The following ANKRD18B variants were observed in gnomAD, a reference collection of about 807,000 sequenced individuals.
ANKRD18B encodes the protein ankyrin repeat domain-containing protein 18B.
Under a neutral mutation model 111.8 loss-of-function variants are expected in ANKRD18B, and 75 were observed. The observed-to-expected ratio is 0.67, with a 90% CI of 0.56 to 0.81. The LOEUF (loss-of-function observed/expected upper bound fraction) is 0.81. Among genes scored for constraint, ANKRD18B ranks in the 40% least tolerant of loss-of-function variants. The pLI, the probability that ANKRD18B is intolerant of heterozygous loss-of-function variation, is 0.00. For synonymous variants in ANKRD18B, 356 were observed against 417.3 expected (o/e 0.85, Z 1.79); for missense variants, 1,038 against 1,225.5 (o/e 0.85, Z 2.28).
At chr9:33,573,960 C>T (rs1828821782), downstream of ANKRD18B, among the ~76,000 whole-genome samples, 2 of 143,860 alleles carry the variant, frequency 1.4e-5, no homozygotes, top group Non-Finnish European at 1.6e-5. Context: ...TCGGTTGGAA[C>T]ATAAACAATA....
intron 10 of ANKRD18B, among the ~76,000 whole-genome samples, chr9:33,545,698 A>G (rs1828344989): frequency 6.6e-6 from 1 of 152,232 alleles, no homozygotes; most frequent in Non-Finnish European, 1.5e-5. Flanking sequence ...ATCTAGAGGA[A>G]GACTTACAGC....
At chr9:33,547,730 T>C (rs1340842740) in intron 10 of ANKRD18B, among the ~76,000 whole-genome samples, 1 of 149,532 alleles carries the variant, frequency 6.7e-6, no homozygotes, top group Non-Finnish European at 1.5e-5. Context: ...GTGTGTTTTA[T>C]GGATTCATTG....
chr9:33,561,324 T>A (rs1378619863), intron 14 of ANKRD18B, among the ~76,000 whole-genome samples: 1 of 152,258 alleles, frequency 6.6e-6, no homozygotes, highest in East Asian at 1.9e-4. Flanking sequence ...TTATTATCCA[T>A]CTTTATATCT....
intron 17 of ANKRD18B, among the ~76,000 whole-genome samples, chr9:33,570,130 C>A (rs1411919531): frequency 6.6e-6 from 1 of 152,174 alleles, no homozygotes; most frequent in African/African-American, 2.4e-5. Context: ...ATGAAAAGAA[C>A]AAAATCATGT....
At chr9:33,549,757 A>G (rs1828419650) in intron 11 of ANKRD18B, among the ~76,000 whole-genome samples, 1 of 152,192 alleles carries the variant, frequency 6.6e-6, no homozygotes, top group South Asian at 2.1e-4. Context: ...TAAAATCACA[A>G]TTTGGAATAA....
Position 33,568,716 on chromosome 9 carries a change from G to A in ANKRD18B, c.3000G>A (p.Glu1000=), listed in dbSNP as rs1828723042. 1.3e-6 allele frequency: 2 copies of A among 1,551,168 alleles called. No homozygotes were observed. Among genetic ancestry groups the A allele is most frequent in the Non-Finnish European group, 8.7e-7 (1 of 1,146,686 alleles). ...IAVISTKLFM[E]KERMEYFLST... is the part of the protein sequence containing the mutation. ...TGATCAGCACCAAGCTCTTTATGGA[G>A]AAAGAGCGGATGGAATATTTTCTCA... is the stretch of plus-strand genomic sequence containing the variant. The change falls in exon 17 of 19, where the codon GAG becomes GAA. Residue 1000 remains glutamate, a synonymous_variant. Transcript: ENST00000684830.
intron 12 of ANKRD18B, among the ~76,000 whole-genome samples, chr9:33,552,809 T>C (rs571661210): frequency 6.6e-5 from 10 of 151,568 alleles, no homozygotes; most frequent in Non-Finnish European, 1.5e-4. Flanking sequence ...GTACATGTAC[T>C]CTTCTAAGTG....
chr9:33,544,203 C>T (rs967740789), intron 10 of ANKRD18B, among the ~76,000 whole-genome samples: 7 of 152,158 alleles, frequency 4.6e-5, no homozygotes, highest in Admixed American at 3.9e-4. Context: ...TTACTCCAAA[C>T]AAACAGTGAG....
chr9:33,564,286 CAT>C (rs1293351072), intron 14 of ANKRD18B, among the ~76,000 whole-genome samples: 4 of 152,222 alleles, frequency 2.6e-5, no homozygotes, highest in Non-Finnish European at 4.4e-5. Flanking sequence ...AGCTCCCACA[CAT>C]GAGTGAGAAT....
At chr9:33,534,615 T>C (rs1828168811) in intron 5 of ANKRD18B, 108 bp downstream of exon 5, 1 of 1,374,436 alleles carries the variant, frequency 7.3e-7, no homozygotes, top group South Asian at 1.8e-5. Flanking sequence ...GTTGAGGTAG[T>C]TTGGAATGGC....
intron 6 of ANKRD18B, among the ~76,000 whole-genome samples, chr9:33,538,548 C>T (rs1828233523): frequency 6.6e-6 from 1 of 152,110 alleles, no homozygotes; most frequent in South Asian, 2.1e-4. Flanking sequence ...CCAGCCTGAC[C>T]AACATGGTGA....
Position 33,548,704 on chromosome 9 carries a change from A to G in ANKRD18B, c.1916A>G (p.Asp639Gly), listed in dbSNP as rs1035972387. 1.9e-6 allele frequency: 3 copies of G among 1,551,070 alleles called. No homozygotes were observed. The highest frequency in any genetic ancestry group is 2.6e-6 in the Non-Finnish European group (3 of 1,146,646). ...CTAGAGGATGCTCGTAAGGAAGGTG[A>G]TAATAAAGAGATAGTCATTAATATC... ...RQLEDARKEGDNKEIVINIHR... is the reference protein window; with the variant it reads ...RQLEDARKEGGNKEIVINIHR... The change falls in exon 11 of 19, where the codon GAT (aspartate) becomes GGT (glycine). Residue 639 changes from aspartate to glycine, a missense_variant. By Grantham distance (94) the Asp-to-Gly change is moderately conservative (BLOSUM62 -1). Coordinates refer to ENST00000684830, the MANE Select transcript of ANKRD18B (RefSeq NM_001393611.1).
intron 1 of ANKRD18B, among the ~76,000 whole-genome samples, chr9:33,525,143 C>T (rs1399815803): frequency 6.6e-6 from 1 of 152,168 alleles, no homozygotes; most frequent in Admixed American, 6.5e-5. Flanking sequence ...AATGTGAGCT[C>T]TTAATATGTT....
chr9:33,533,335 G>C (rs633005), intron 3 of ANKRD18B, 104 bp from the exon 4 acceptor site: 10 of 1,494,262 alleles, frequency 6.7e-6, no homozygotes, highest in South Asian at 5.4e-5. Context: ...TTTACTTTCT[G>C]TCTATATTGC....
At chr9:33,570,533 T>A (rs186045193) in intron 17 of ANKRD18B, among the ~76,000 whole-genome samples, 1 of 152,030 alleles carries the variant, frequency 6.6e-6, no homozygotes, top group Non-Finnish European at 1.5e-5. Flanking sequence ...AAGAAAAAAT[T>A]TATTGAAGTA....
intron 16 of ANKRD18B, 150 bp downstream of exon 16, chr9:33,567,464 C>T: frequency 1.5e-6 from 1 of 680,702 alleles, no homozygotes; most frequent in Non-Finnish European, 2.4e-6. Flanking sequence ...AGTAAATAAT[C>T]CCTCCTTTAA....
chr9:33,529,826 A>G (rs1162125484), intron 3 of ANKRD18B, among the ~76,000 whole-genome samples: 1 of 152,162 alleles, frequency 6.6e-6, no homozygotes, highest in African/African-American at 2.4e-5. Flanking sequence ...TCTGAGGAAA[A>G]CAGATTGGCA....
At chr9:33,534,207 A>G (rs1828160199) in intron 4 of ANKRD18B, among the ~76,000 whole-genome samples, 163 bp from the exon 5 acceptor site, 1 of 152,200 alleles carries the variant, frequency 6.6e-6, no homozygotes, top group Admixed American at 6.5e-5. Context: ...AACAAGATGA[A>G]CACTTGAGCA....
chr9:33,542,889 A>T (rs1031954143), intron 9 of ANKRD18B, among the ~76,000 whole-genome samples: 5 of 152,134 alleles, frequency 3.3e-5, no homozygotes, highest in Non-Finnish European at 7.4e-5. Context: ...CTGTATTTTT[A>T]AATTTTGGTT....
Sources: allele counts gnomAD v4.1 joint callset (sites outside exome capture counted in the v4.1 genomes callset), GRCh38; gene constraint gnomAD v4.1.1; transcripts MANE v1.5; gene names NCBI Gene and HGNC (gene_info 2026-07-23, HGNC 2026-07-21).